Variants in TMCO5A observed in about 807,000 individuals in gnomAD.
TMCO5A encodes transmembrane and coiled-coil domains 5A, also known as transmembrane and coiled-coil domain-containing protein 5A.
In TMCO5A, 34 loss-of-function variants were observed where a neutral mutation model predicts 42.3. That is an observed-to-expected ratio of 0.80 (90% CI 0.61 to 1.07). TMCO5A has a LOEUF of 1.07. Ranked by LOEUF, TMCO5A falls within the 50% of genes least tolerant of loss-of-function variation. The pLI is 0.00. For synonymous variants in TMCO5A, 131 were observed against 115.6 expected (o/e 1.13, Z -0.86); for missense variants, 357 against 327.9 (o/e 1.09, Z -0.69).
chr15:37,940,652 G>C (rs1048263328), intron 6 of TMCO5A, among the ~76,000 whole-genome samples: 2 of 152,112 alleles, frequency 1.3e-5, no homozygotes, highest in East Asian at 3.9e-4. Flanking sequence ...GGTCCATCCT[G>C]TCTACTACTG....
intron 11 of TMCO5A, among the ~76,000 whole-genome samples, chr15:37,959,497 C>A (rs764001833): frequency 2.0e-5 from 3 of 151,826 alleles, no homozygotes; most frequent in South Asian, 4.2e-4. Flanking sequence ...TTAAAAAGAT[C>A]ATATATCATG....
At chr15:37,957,270 G>A (rs975553277) in intron 11 of TMCO5A, among the ~76,000 whole-genome samples, 1 of 152,070 alleles carries the variant, frequency 6.6e-6, no homozygotes, top group East Asian at 1.9e-4. Flanking sequence ...GAAATAAAAG[G>A]TATTCAATTC....
the TMCO5A span, among the ~76,000 whole-genome samples, chr15:37,994,131 C>T: frequency 1.3e-5 from 2 of 152,154 alleles, no homozygotes; most frequent in Non-Finnish European, 2.9e-5. Flanking sequence ...AGCAGAGGAT[C>T]CACTGTTGGT....
At chr15:38,017,852 T>C in the TMCO5A span, among the ~76,000 whole-genome samples, 1 of 152,142 alleles carries the variant, frequency 6.6e-6, no homozygotes. Context: ...GATTGAATCA[T>C]GAGAGTGGAC....
chr15:38,019,929 T>C, the TMCO5A span, among the ~76,000 whole-genome samples: 2 of 151,978 alleles, frequency 1.3e-5, no homozygotes, highest in Non-Finnish European at 2.9e-5. Context: ...TCTATGGACT[T>C]GGACAAATGT....
intron 3 of TMCO5A, 76 bp downstream of exon 3, chr15:37,936,539 C>CGAAA (rs1889519099): frequency 6.6e-7 from 1 of 1,521,818 alleles, no homozygotes; most frequent in East Asian, 2.3e-5. Context: ...ACTGAATTTT[C>CGAAA]CTGCTTGTTC....
the TMCO5A span, among the ~76,000 whole-genome samples, chr15:37,992,100 AT>A: frequency 6.6e-6 from 1 of 152,176 alleles, no homozygotes; most frequent in Non-Finnish European, 1.5e-5. Flanking sequence ...AAAACTATGT[AT>A]CTGACAAAGG....
downstream of TMCO5A, among the ~76,000 whole-genome samples, chr15:37,970,428 A>G (rs548984354): frequency 6.6e-6 from 1 of 152,278 alleles, no homozygotes; most frequent in East Asian, 1.9e-4. Context: ...CTCCCACAAT[A>G]CGTGGGAATT....
At chr15:37,968,669 AC>A (rs1890614208), downstream of TMCO5A, among the ~76,000 whole-genome samples, 1 of 144,412 alleles carries the variant, frequency 6.9e-6, no homozygotes, top group Non-Finnish European at 1.5e-5. Context: ...TGCAACTTCC[AC>A]CGCCCAGGTT....
chr15:38,015,403 C>A, the TMCO5A span, among the ~76,000 whole-genome samples: 1 of 152,062 alleles, frequency 6.6e-6, no homozygotes, highest in Admixed American at 6.6e-5. Context: ...ACTGACAACA[C>A]CAAGTGCTAA....
chr15:37,937,561 C>A (rs376324352), intron 5 of TMCO5A, among the ~76,000 whole-genome samples, 165 bp downstream of exon 5: 1 of 151,930 alleles, frequency 6.6e-6, no homozygotes, highest in Non-Finnish European at 1.5e-5. Context: ...AGGTTCATGA[C>A]CTAAATGTTA....
the TMCO5A span, among the ~76,000 whole-genome samples, chr15:38,000,744 T>A: frequency 6.6e-6 from 1 of 152,148 alleles, no homozygotes; most frequent in Non-Finnish European, 1.5e-5. Context: ...TTCAATTTCC[T>A]TCGTAATTTC....
chr15:37,968,771 C>T (rs547613815), downstream of TMCO5A, among the ~76,000 whole-genome samples: 39 of 151,844 alleles, frequency 2.6e-4, no homozygotes, highest in African/African-American at 8.9e-4. Context: ...CTAGTAGAGA[C>T]GGGGTTTCAC....
chr15:37,999,611 C>T, the TMCO5A span, among the ~76,000 whole-genome samples: 1 of 152,096 alleles, frequency 6.6e-6, no homozygotes, highest in African/African-American at 2.4e-5. Flanking sequence ...TGTTCCAGGT[C>T]TTAGAGAAAA....
chr15:37,947,091 T>C (rs2140280595), intron 10 of TMCO5A, among the ~76,000 whole-genome samples: 1 of 152,334 alleles, frequency 6.6e-6, no homozygotes, highest in South Asian at 2.1e-4. Context: ...AGAGGCCTTT[T>C]ATGCATCTAT....
At chr15:37,981,787 G>T in the TMCO5A span, among the ~76,000 whole-genome samples, 1 of 152,200 alleles carries the variant, frequency 6.6e-6, no homozygotes, top group African/African-American at 2.4e-5. Flanking sequence ...AACTATTGTA[G>T]GGGAGATAAA....
chr15:38,033,964 CAA>C, the TMCO5A span, among the ~76,000 whole-genome samples: 5 of 152,240 alleles, frequency 3.3e-5, no homozygotes, highest in South Asian at 2.1e-4. Flanking sequence ...ATACCCAAGA[CAA>C]AGTAGTTTAT....
At chr15:38,029,367 CCACACACA>C in the TMCO5A span, among the ~76,000 whole-genome samples, 1,624 of 148,004 alleles carry the variant, frequency 0.011, 19 homozygotes, top group Middle Eastern at 0.037. Flanking sequence ...CATGAATACA[CCACACACA>C]CACACACACA....
At chr15:38,027,949 C>T in the TMCO5A span, among the ~76,000 whole-genome samples, 17 of 152,180 alleles carry the variant, frequency 1.1e-4, no homozygotes, top group African/African-American at 3.9e-4. Context: ...GTATATTAAG[C>T]GTCTTTTTCT....
Sources: allele counts gnomAD v4.1 joint callset (sites outside exome capture counted in the v4.1 genomes callset), GRCh38; gene constraint gnomAD v4.1.1; transcripts MANE v1.5; gene names NCBI Gene and HGNC (gene_info 2026-07-23, HGNC 2026-07-21).